RYR3: variants seen among roughly 807,000 people sequenced by gnomAD.
RYR3 encodes the protein ryanodine receptor 3, also known as brain ryanodine receptor-calcium release channel.
Under a neutral mutation model 584.3 loss-of-function variants are expected in RYR3, and 207 were observed. The observed-to-expected ratio is 0.35, with a 90% CI of 0.32 to 0.40. The LOEUF (loss-of-function observed/expected upper bound fraction) is 0.40. Among genes scored for constraint, RYR3 ranks in the 10% least tolerant of loss-of-function variants. RYR3 has a pLI of 1.00. For synonymous variants in RYR3, 2,416 were observed against 2,248.5 expected (o/e 1.07, Z -2.11); for missense variants, 5,616 against 6,089.2 (o/e 0.92, Z 2.59).
intron 102 of RYR3, 117 bp downstream of exon 102, chr15:33,861,295 C>A: frequency 1.5e-6 from 1 of 664,214 alleles, no homozygotes; most frequent in Non-Finnish European, 2.6e-6. Flanking sequence ...TCCAGGAGTC[C>A]CCATGAGCCT....
chr15:33,521,204 C>G (rs1209399441), intron 3 of RYR3, among the ~76,000 whole-genome samples: 1 of 152,112 alleles, frequency 6.6e-6, no homozygotes, highest in Non-Finnish European at 1.5e-5. Context: ...TATACCTATT[C>G]CATGTGCTAA....
In RYR3 at chr15:33,810,734, C is replaced by A; in HGVS notation, c.10197+85C>A. 2.6e-6 allele frequency: 4 copies of A among 1,542,250 alleles called. No homozygotes were observed. The Admixed American group carries it at 7.1e-5, about 27-fold the overall frequency. ...CAGCCCCTGAAGGGTTAGTCCTCCT[C>A]CCCTGGGGGGCGGGGAGCAGATGCG... On this transcript the variant is annotated intron_variant, in intron 71 of 103. Transcript: ENST00000634891.
chr15:33,676,218 A>C (rs1012025649), intron 38 of RYR3, among the ~76,000 whole-genome samples: 1 of 145,944 alleles, frequency 6.9e-6, no homozygotes, highest in Non-Finnish European at 1.5e-5. Context: ...ATGAGCCAAC[A>C]AATGTACGCT....
intron 74 of RYR3, among the ~76,000 whole-genome samples, chr15:33,815,165 G>C (rs1375053887): frequency 6.6e-6 from 1 of 152,048 alleles, no homozygotes; most frequent in Non-Finnish European, 1.5e-5. Flanking sequence ...AGAGAATGAG[G>C]CACCACCAAA....
chr15:33,353,058 G>T (rs555316158), intron 1 of RYR3, among the ~76,000 whole-genome samples: 16 of 152,274 alleles, frequency 1.1e-4, no homozygotes, highest in African/African-American at 3.6e-4. Flanking sequence ...AAGTAGAAAG[G>T]TTTAGAGCAG....
At chr15:33,513,175 T>C (rs2053192576) in intron 3 of RYR3, among the ~76,000 whole-genome samples, 1 of 152,238 alleles carries the variant, frequency 6.6e-6, no homozygotes, top group Non-Finnish European at 1.5e-5. Context: ...CCTTTGATCA[T>C]GTAATTCGCT....
chr15:33,413,646 A>G (rs1402141784), intron 1 of RYR3, among the ~76,000 whole-genome samples: 1 of 152,180 alleles, frequency 6.6e-6, no homozygotes, highest in Non-Finnish European at 1.5e-5. Flanking sequence ...AATGTGTTTA[A>G]AGGGCCTCTG....
intron 89 of RYR3, 94 bp from the exon 90 acceptor site, chr15:33,840,731 A>G (rs1462472201): frequency 1.8e-6 from 2 of 1,114,770 alleles, no homozygotes; most frequent in African/African-American, 3.1e-5. Flanking sequence ...AGCCATTGAA[A>G]TTTGTGACCA....
Position 33,660,244 on chromosome 15 carries a change from C to T in RYR3, c.4443C>T (p.Asn1481=), listed in dbSNP as rs1344684809. ...CCATATTCAGGAGTGAAGAGAAGAA[C>T]CCAGTCCCACAGTGTCCACCTCGGC... ...SAAIFRSEEK[N]PVPQCPPRLD... The change falls in exon 34 of 104, where the codon AAC becomes AAT. Residue 1481 remains asparagine (N), a synonymous_variant. Coordinates refer to ENST00000634891, the MANE Select transcript of RYR3 (RefSeq NM_001036.6). 5.1e-6 allele frequency: 8 copies of T among 1,553,944 alleles called. No homozygotes were observed. The highest frequency in any genetic ancestry group is 2.4e-5 in the East Asian group (1 of 41,012).
At chr15:33,775,269 T>C (rs1237501315) in intron 64 of RYR3, among the ~76,000 whole-genome samples, 2 of 152,178 alleles carry the variant, frequency 1.3e-5, no homozygotes, top group African/African-American at 4.8e-5. Flanking sequence ...CTAAATATTT[T>C]TTCCCCTGAA....
chr15:33,743,438 T>C (rs947510096), intron 52 of RYR3, among the ~76,000 whole-genome samples: 1 of 152,160 alleles, frequency 6.6e-6, no homozygotes, highest in Non-Finnish European at 1.5e-5. Flanking sequence ...AAAGTAGCCA[T>C]AGAGAAAACA....
rs1555427643 is a variant in RYR3 at position 33,725,976 on chromosome 15, C to CGCCA, written c.6913-410_6913-409insGCCA. Among the ~76,000 whole-genome samples, 77 of 31,524 alleles carry CGCCA rather than the reference C, an allele frequency of 2.4e-3. 15 individuals carry two copies. The highest frequency in any genetic ancestry group is 5.6e-3 in the South Asian group (4 of 712). The allele number at this position is 31,524 out of a possible 152,430, so 20.7% of individuals were successfully genotyped here. A position where few individuals can be genotyped will look rare whatever the true frequency, so the allele number is the denominator to read the frequency against. Reference sequence around the variant, plus strand: ...CAGAGCAAGACTCCATCCCCCCCCCCAAAAAAAAAAAAAAAAAAAAACAGA... The same window carrying CGCCA: ...CAGAGCAAGACTCCATCCCCCCCCCCGCCAAAAAAAAAAAAAAAAAAAAAACAGA... On this transcript the variant is annotated intron_variant, in intron 45 of 103. Coordinates refer to ENST00000634891, the MANE Select transcript of RYR3 (RefSeq NM_001036.6).
chr15:33,625,767 G>A (rs1231741547), intron 20 of RYR3, among the ~76,000 whole-genome samples: 3 of 152,132 alleles, frequency 2.0e-5, no homozygotes, highest in Non-Finnish European at 4.4e-5. Flanking sequence ...TAGGAGATAC[G>A]ATAGTTCTGT....
intron 10 of RYR3, among the ~76,000 whole-genome samples, chr15:33,558,343 G>A (rs950284469): frequency 2.6e-4 from 34 of 132,212 alleles, no homozygotes; most frequent in African/African-American, 5.0e-4. Flanking sequence ...GAGAACATGC[G>A]GTGTTTGGTT....
chr15:33,808,495 C>T (rs575495312), intron 70 of RYR3, among the ~76,000 whole-genome samples: 1 of 152,238 alleles, frequency 6.6e-6, no homozygotes, highest in African/African-American at 2.4e-5. Flanking sequence ...CACTTTTGAG[C>T]ATATTTATTC....
chr15:33,313,836 CA>C (rs1337619174), intron 1 of RYR3, among the ~76,000 whole-genome samples: 1 of 152,180 alleles, frequency 6.6e-6, no homozygotes, highest in Non-Finnish European at 1.5e-5. Context: ...AAAGACCATA[CA>C]ATAGCATTAT....
chr15:33,490,744 T>TTAA (rs561283205), intron 2 of RYR3, among the ~76,000 whole-genome samples: 1 of 142,334 alleles, frequency 7.0e-6, no homozygotes, highest in Admixed American at 7.0e-5. Context: ...TTACTCTTGT[T>TTAA]AAAAAAAAAA....
intron 20 of RYR3, among the ~76,000 whole-genome samples, chr15:33,626,804 G>A (rs1341952134): frequency 6.6e-6 from 1 of 152,180 alleles, no homozygotes; most frequent in Non-Finnish European, 1.5e-5. Context: ...TCCACGTGGT[G>A]TTGAGCCTGT....
intron 69 of RYR3, among the ~76,000 whole-genome samples, chr15:33,804,815 T>C (rs900166351): frequency 6.6e-6 from 1 of 152,192 alleles, no homozygotes; most frequent in African/African-American, 2.4e-5. Flanking sequence ...TTATCTCCAC[T>C]CTTAACTGAA....
Sources: allele counts gnomAD v4.1 joint callset (sites outside exome capture counted in the v4.1 genomes callset), GRCh38; gene constraint gnomAD v4.1.1; transcripts MANE v1.5; gene names NCBI Gene and HGNC (gene_info 2026-07-23, HGNC 2026-07-21).